Variants in ZBTB49 observed in about 807,000 individuals in gnomAD.
ZBTB49 encodes zinc finger and BTB domain-containing protein 49.
A neutral mutation model predicts 57.5 loss-of-function variants in ZBTB49; 43 were observed. The observed-to-expected ratio is 0.75, with a 90% CI of 0.59 to 0.97. The LOEUF (loss-of-function observed/expected upper bound fraction) is 0.97. Ranked by LOEUF, ZBTB49 falls within the 50% of genes least tolerant of loss-of-function variation. The probability of loss-of-function intolerance (pLI) is 0.00; values close to 1 mark genes in which losing one functional copy is unlikely to be tolerated. For synonymous variants in ZBTB49, 369 were observed against 362.1 expected, an observed-to-expected ratio of 1.02 and a Z score of -0.22; for missense variants, 938 against 947.7, an observed-to-expected ratio of 0.99 and a Z score of 0.13.
chr4:4,297,966 G>A (rs761431806), intron 1 of ZBTB49, among the ~76,000 whole-genome samples: 3 of 152,186 alleles, frequency 2.0e-5, no homozygotes, highest in Admixed American at 1.3e-4. Flanking sequence ...CGGTTACCAG[G>A]CTCCCCTGTA....
chr4:4,308,065 A>G (rs1413500429), intron 4 of ZBTB49, among the ~76,000 whole-genome samples: 1 of 152,016 alleles, frequency 6.6e-6, no homozygotes, highest in Non-Finnish European at 1.5e-5. Flanking sequence ...GGGCTTAGGT[A>G]TTGATGTTTT....
intron 1 of ZBTB49, among the ~76,000 whole-genome samples, chr4:4,295,296 G>T (rs1290316654): frequency 6.6e-6 from 1 of 152,150 alleles, no homozygotes; most frequent in African/African-American, 2.4e-5. Context: ...AGGGGAGAGA[G>T]AACCGGGTGG....
At chr4:4,293,326 G>C (rs1720032546) in intron 1 of ZBTB49, among the ~76,000 whole-genome samples, 1 of 152,222 alleles carries the variant, frequency 6.6e-6, no homozygotes, top group Admixed American at 6.5e-5. Context: ...GCACATCTTA[G>C]TCCTGAATTG....
At chr4:4,318,232 T>G (rs16835588) in intron 7 of ZBTB49, among the ~76,000 whole-genome samples, 11,586 of 152,240 alleles carry the variant, frequency 0.076, 1,079 homozygotes, top group East Asian at 0.32. Context: ...ACTAAAAATT[T>G]TACATATTAA....
intron 1 of ZBTB49, among the ~76,000 whole-genome samples, chr4:4,291,048 C>G (rs540832765): frequency 6.6e-6 from 1 of 152,140 alleles, no homozygotes; most frequent in Non-Finnish European, 1.5e-5. Context: ...GGAGGATGCA[C>G]AGAGTATTGT....
At chr4:4,294,378 A>G (rs1036071585) in intron 1 of ZBTB49, among the ~76,000 whole-genome samples, 2 of 152,152 alleles carry the variant, frequency 1.3e-5, no homozygotes, top group African/African-American at 4.8e-5. Flanking sequence ...TTATTTTGAG[A>G]TGGAGTCTCG....
At chr4:4,298,820 C>G (rs915024092) in intron 1 of ZBTB49, among the ~76,000 whole-genome samples, 2 of 152,184 alleles carry the variant, frequency 1.3e-5, no homozygotes, top group African/African-American at 4.8e-5. Flanking sequence ...CTAGACTGCG[C>G]CCTAGACATC....
chr4:4,302,398 G>T lies in ZBTB49; in HGVS notation c.562G>T (p.Gly188Cys), dbSNP rs1453264946. The stretch of plus-strand genomic sequence containing the variant: ...ATCAGTTAATCGTCATCACTCCGCA[G>T]GTGAAATCTCAAAACAAGCTCCTGA... ...SPSVNRHHSA[G>C]EISKQAPDTS... Residue 188 changes from glycine to cysteine, a missense_variant, in exon 3 of 8, where the codon GGT (glycine) becomes TGT (cysteine). Gly to Cys is a radical substitution (Grantham distance 159). This residue lies in a region of ZBTB49 where 835 missense variants were observed against 819.1 expected (regional missense o/e 1.02). Coordinates refer to ENST00000337872, the MANE Select transcript of ZBTB49 (RefSeq NM_145291.4). 1.2e-6 allele frequency: 2 copies of T among 1,614,212 alleles called. No homozygotes were observed. Among genetic ancestry groups the T allele is most frequent in the Middle Eastern group, 1.6e-4 (1 of 6,062 alleles).
Position 4,301,975 on chromosome 4 carries a change from C to T in ZBTB49, c.153-14C>T, listed in dbSNP as rs1407100621. On this transcript the variant is annotated splice_polypyrimidine_tract_variant and intron_variant, in intron 2 of 7. Transcript: ENST00000337872. ...ATTTTTGGCACTGTAAACAGATATT[C>T]TTTCTTTTACCAGGAGCCTCTTTCA... is the stretch of plus-strand genomic sequence containing the variant. 1.3e-6 allele frequency: 2 copies of T among 1,498,618 alleles called. No homozygotes were observed. The highest frequency in any genetic ancestry group is 2.3e-5 in the Admixed American group (1 of 42,920). The allele number at this position is 1,498,618 out of a possible 1,614,324, so 92.8% of individuals were successfully genotyped here.
intron 5 of ZBTB49, 48 bp from the exon 6 acceptor site, chr4:4,315,588 A>T (rs377483097): frequency 1.9e-6 from 3 of 1,586,988 alleles, no homozygotes; most frequent in Non-Finnish European, 2.6e-6. Context: ...ATAAAGACCC[A>T]CAGTAATGTG....
In ZBTB49 at chr4:4,321,279, T is replaced by A; in HGVS notation, c.2261T>A (p.Met754Lys). Residue 754 changes from methionine to lysine, a missense_variant, in exon 8 of 8, where the codon ATG (methionine) becomes AAG (lysine). Met to Lys is a moderately conservative substitution (Grantham distance 95). Around this residue, in one of 3 missense-constraint regions of ZBTB49, gnomAD observed 835 missense variants for 819.1 expected, o/e 1.02. Coordinates refer to ENST00000337872, the MANE Select transcript of ZBTB49 (RefSeq NM_145291.4). ...FSSMTLWGLAMKTLQNENELD... is the reference protein window; with the variant it reads ...FSSMTLWGLAKKTLQNENELD... The stretch of plus-strand genomic sequence containing the variant: ...AGCATGACTCTCTGGGGGCTAGCGA[T>A]GAAGACGCTGCAGAATGAAAACGAG... 6.2e-7 allele frequency: 1 copy of A among 1,613,420 alleles called. No individual in the cohort carries two copies. Among genetic ancestry groups the A allele is most frequent in the Non-Finnish European group, 8.5e-7 (1 of 1,180,026 alleles).
intron 3 of ZBTB49, among the ~76,000 whole-genome samples, chr4:4,303,899 A>G (rs936022526): frequency 6.6e-6 from 1 of 152,142 alleles, no homozygotes; most frequent in African/African-American, 2.4e-5. Context: ...CAATTACCTT[A>G]TAGGCATGAG....
At chr4:4,299,778 TGTGTGTGTGTGTGTGTG>T (rs1720391597) in intron 1 of ZBTB49, 132 bp from the exon 2 acceptor site, 3 of 485,104 alleles carry the variant, frequency 6.2e-6, no homozygotes, top group Non-Finnish European at 1.1e-5. Context: ...GAAACAGAGG[TGTGTGTGTGTGTGTGTG>T]TGTGTGTGTG....
chr4:4,309,645 C>T lies in ZBTB49; in HGVS notation c.1303-3396C>T, dbSNP rs191075862. Among the ~76,000 whole-genome samples, 626 of 152,310 alleles carry T rather than the reference C, an allele frequency of 4.1e-3. 5 individuals carry two copies. Among genetic ancestry groups the T allele is most frequent in the African/African-American group, 0.014 (592 of 41,562 alleles). On this transcript the variant is annotated intron_variant, in intron 4 of 7. Transcript: ENST00000337872. ...AGCGCCGTCTAGCCAGCTGTCTGCC[C>T]GAGTCCGGGGGTCCTAGTGCCTTCT...
intron 3 of ZBTB49, among the ~76,000 whole-genome samples, chr4:4,304,407 A>C (rs530595263): frequency 2.0e-5 from 3 of 152,120 alleles, no homozygotes; most frequent in African/African-American, 7.2e-5. Context: ...TAGTAGAGAC[A>C]GGGTTTCACC....
chr4:4,305,160 A>ATTAT (rs1444606702), intron 3 of ZBTB49, among the ~76,000 whole-genome samples: 2 of 42,932 alleles, frequency 4.7e-5, no homozygotes, highest in Non-Finnish European at 9.6e-5. Flanking sequence ...TTATTAATTT[A>ATTAT]TTATTAATAT....
At position 4,302,237 on chromosome 4, in the gene ZBTB49, T is replaced by C; in HGVS notation, c.401T>C (p.Leu134Ser). The change falls in exon 3 of 8, where the codon TTG (leucine) becomes TCG (serine). Residue 134 changes from leucine (L) to serine (S), a missense_variant. Physicochemically the swap from Leu to Ser is moderately radical, Grantham distance 145 (BLOSUM62 -2). Transcript: ENST00000337872. Reference sequence around the variant, plus strand: ...CCTGGCATGCCTTGTAATAGTACATTGTCTCTACAAAGCACCCTGACCCCA... The same window carrying C: ...CCTGGCATGCCTTGTAATAGTACATCGTCTCTACAAAGCACCCTGACCCCA... ...QPPGMPCNST[L>S]SLQSTLTPDA... 1 of 1,614,258 alleles carries C rather than the reference T, an allele frequency of 6.2e-7. No homozygotes were observed. Among genetic ancestry groups the C allele is most frequent in the Non-Finnish European group, 8.5e-7 (1 of 1,180,044 alleles).
intron 7 of ZBTB49, 143 bp downstream of exon 7, chr4:4,316,113 AT>A (rs1455065914): frequency 1.8e-6 from 2 of 1,122,582 alleles, no homozygotes; most frequent in African/African-American, 3.1e-5. Flanking sequence ...TCTCTCATTC[AT>A]TCCTGCATTT....
intron 3 of ZBTB49, among the ~76,000 whole-genome samples, chr4:4,303,755 T>TGTG (rs1720611123): frequency 2.0e-5 from 1 of 50,614 alleles, no homozygotes; most frequent in African/African-American, 5.7e-5. Context: ...TCTCTCTCTC[T>TGTG]CTCTCTGTGT....
Sources: gnomAD v4.1 joint callset for allele counts (sites outside exome capture counted in the v4.1 genomes callset) on GRCh38, gnomAD v4.1.1 for gene constraint, gnomAD v4.1.1 regional missense constraint, MANE v1.5 for transcripts, NCBI Gene and HGNC (gene_info 2026-07-23, HGNC 2026-07-21) for gene names.